The following ADARB2 variants were observed in gnomAD, a reference collection of about 807,000 sequenced individuals.
ADARB2 encodes the protein inactive double-stranded RNA-specific editase B2.
Under a neutral mutation model 62.2 loss-of-function variants are expected in ADARB2, and 25 were observed. That is an observed-to-expected ratio of 0.40 (90% CI 0.29 to 0.56). The LOEUF is 0.56. Among genes scored for constraint, ADARB2 ranks in the 20% least tolerant of loss-of-function variants. ADARB2 has a pLI of 0.43. For missense variants in ADARB2, 1,071 were observed against 1,077.4 expected (o/e 0.99, Z 0.08); for synonymous variants, 572 against 500.8 (o/e 1.14, Z -1.90).
intron 1 of ADARB2, among the ~76,000 whole-genome samples, chr10:1,472,791 G>A (rs1021058769): frequency 1.2e-4 from 18 of 152,198 alleles, no homozygotes; most frequent in African/African-American, 4.3e-4. Flanking sequence ...GCAGGGCCAC[G>A]CTCCTCACAC....
chr10:1,546,120 C>G (rs1237030358), intron 1 of ADARB2, among the ~76,000 whole-genome samples: 7 of 152,068 alleles, frequency 4.6e-5, no homozygotes, highest in Non-Finnish European at 1.0e-4. Flanking sequence ...CACCTGCTGC[C>G]TGTTGACTGA....
Position 1,564,627 on chromosome 10 carries a change from A to G in ADARB2, c.100+172424T>C, listed in dbSNP as rs546360160. 2.7e-4 allele frequency among the ~76,000 whole-genome samples: 41 copies of G among 152,326 alleles called. 3 individuals are homozygous for G. In the East Asian group the frequency reaches 7.9e-3, roughly 29 times the overall value. ...TCATGAACAGACACTTCTCAAAAGA[A>G]GACATTTATGCAGCCAAAAAACACA... On this transcript the variant is annotated intron_variant, in intron 1 of 9. Coordinates refer to ENST00000381312, the MANE Select transcript of ADARB2 (RefSeq NM_018702.4).
At chr10:1,474,484 C>T (rs1220497551) in intron 1 of ADARB2, among the ~76,000 whole-genome samples, 1 of 152,184 alleles carries the variant, frequency 6.6e-6, no homozygotes, top group African/African-American at 2.4e-5. Context: ...GAGGGGGATG[C>T]ATCCCAGGAG....
chr10:1,460,760 A>T (rs113092512), intron 1 of ADARB2, among the ~76,000 whole-genome samples: 11 of 76,496 alleles, frequency 1.4e-4, no homozygotes, highest in African/African-American at 2.3e-4. Context: ...TTACCTGCGT[A>T]ACAAACCTGC....
chr10:1,191,144 T>C (rs768180779), intron 8 of ADARB2, among the ~76,000 whole-genome samples: 12 of 152,132 alleles, frequency 7.9e-5, no homozygotes, highest in Non-Finnish European at 1.8e-4. Flanking sequence ...CCACACGGCG[T>C]AGAACAGGGG....
chr10:1,714,640 T>A (rs1834993734), intron 1 of ADARB2, among the ~76,000 whole-genome samples: 1 of 152,228 alleles, frequency 6.6e-6, no homozygotes, highest in Admixed American at 6.5e-5. Flanking sequence ...TTTAGATACA[T>A]ACCCTCCTCC....
intron 1 of ADARB2, among the ~76,000 whole-genome samples, chr10:1,474,541 G>T (rs957059259): frequency 1.3e-5 from 2 of 152,218 alleles, no homozygotes; most frequent in African/African-American, 4.8e-5. Flanking sequence ...CACAGCCGGA[G>T]CGGACGGGCA....
At chr10:1,322,475 A>G (rs1831803994) in intron 3 of ADARB2, among the ~76,000 whole-genome samples, 3 of 152,222 alleles carry the variant, frequency 2.0e-5, no homozygotes. Flanking sequence ...CAATTAATCT[A>G]GGTAGTTTAG....
intron 2 of ADARB2, among the ~76,000 whole-genome samples, chr10:1,374,044 G>C (rs1053647561): frequency 1.3e-5 from 2 of 151,874 alleles, no homozygotes; most frequent in Admixed American, 1.3e-4. Context: ...GTGGCATCCC[G>C]GCCACCCACG....
intron 4 of ADARB2, 39 bp downstream of exon 4, chr10:1,270,911 TCTTTA>T: frequency 1.9e-6 from 3 of 1,557,686 alleles, no homozygotes; most frequent in East Asian, 2.3e-5. Flanking sequence ...AATGCTCCTT[TCTTTA>T]GAGATGAAAA....
rs1564295491 is a variant in ADARB2, at chr10:1,459,941, C to CAAACCTGCCTGTGACCTGA, written c.101-80782_101-80781insTCAGGTCACAGGCAGGTTT. 1.1e-3 allele frequency among the ~76,000 whole-genome samples: 126 copies of CAAACCTGCCTGTGACCTGA among 112,492 alleles called. 1 individual carries two copies. Among genetic ancestry groups the CAAACCTGCCTGTGACCTGA allele is most frequent in the Middle Eastern group, 4.5e-3 (1 of 224 alleles). The allele number at this position is 112,492 out of a possible 152,430, so 73.8% of individuals were successfully genotyped here. A position where few individuals can be genotyped will look rare whatever the true frequency, so the allele number is the denominator to read the frequency against. ...CCTGCCTGTGACCTGAGTTTACCTG[C>CAAACCTGCCTGTGACCTGA]GTTACGAACCTGCCTGTGACCTGAG... On this transcript the variant is annotated intron_variant, in intron 1 of 9. Coordinates refer to ENST00000381312, the MANE Select transcript of ADARB2 (RefSeq NM_018702.4).
intron 1 of ADARB2, among the ~76,000 whole-genome samples, chr10:1,579,029 G>C (rs966229346): frequency 6.6e-6 from 1 of 152,264 alleles, no homozygotes; most frequent in East Asian, 1.9e-4. Context: ...GATAGCGAGC[G>C]GGATGGATCA....
chr10:1,385,907 A>C (rs905899251), intron 1 of ADARB2, among the ~76,000 whole-genome samples: 1 of 152,278 alleles, frequency 6.6e-6, no homozygotes, highest in African/African-American at 2.4e-5. Context: ...GACATCTTAC[A>C]TACAGAGCAA....
Position 1,367,236 on chromosome 10 carries a change from A to C in ADARB2, c.188-3319T>G, listed in dbSNP as rs544555390. The stretch of plus-strand genomic sequence containing the variant: ...AAACATCCGGCTCTTGGCCTCAGCT[A>C]TCACCACCACCTGGGTTCTCCTGCC... On this transcript the variant is annotated intron_variant, in intron 2 of 9. Coordinates refer to ENST00000381312, the MANE Select transcript of ADARB2 (RefSeq NM_018702.4). Among the ~76,000 whole-genome samples, 18 of 152,314 alleles carry C rather than the reference A, an allele frequency of 1.2e-4. No individual in the cohort carries two copies. In the South Asian group the frequency reaches 3.7e-3, roughly 32 times the overall value.
chr10:1,646,775 A>G (rs753241949), intron 1 of ADARB2, among the ~76,000 whole-genome samples: 2 of 152,174 alleles, frequency 1.3e-5, no homozygotes, highest in Non-Finnish European at 2.9e-5. Flanking sequence ...GTGATGTGCT[A>G]TTTGAGGTGC....
chr10:1,299,737 C>T (rs1831556454), intron 3 of ADARB2, among the ~76,000 whole-genome samples: 1 of 152,230 alleles, frequency 6.6e-6, no homozygotes, highest in Non-Finnish European at 1.5e-5. Context: ...GCTTCGCCTC[C>T]TTCTGCTTCC....
intron 1 of ADARB2, among the ~76,000 whole-genome samples, chr10:1,487,340 A>G (rs2131929025): frequency 6.6e-6 from 1 of 152,324 alleles, no homozygotes; most frequent in South Asian, 2.1e-4. Context: ...AAGACTAAAT[A>G]AACATTCTCC....
intron 1 of ADARB2, among the ~76,000 whole-genome samples, chr10:1,589,054 C>T (rs575078960): frequency 3.1e-4 from 47 of 152,206 alleles, no homozygotes; most frequent in Non-Finnish European, 5.7e-4. Flanking sequence ...TTGTGTACCC[C>T]TCTTCCTCTG....
intron 6 of ADARB2, among the ~76,000 whole-genome samples, chr10:1,225,837 T>G (rs962889038): frequency 5.3e-5 from 8 of 152,138 alleles, no homozygotes; most frequent in African/African-American, 1.4e-4. Flanking sequence ...CTGGCTGCCC[T>G]TAACATTTTT....
Sources: gnomAD v4.1 joint callset for allele counts (sites outside exome capture counted in the v4.1 genomes callset) on GRCh38, gnomAD v4.1.1 for gene constraint, MANE v1.5 for transcripts, NCBI Gene and HGNC (gene_info 2026-07-23, HGNC 2026-07-21) for gene names.